ABHD18: variants seen among roughly 807,000 people sequenced by gnomAD.
ABHD18 encodes cardiolipin-specific deacylase, mitochondrial.
A neutral mutation model predicts 65.9 loss-of-function variants in ABHD18; 55 were observed. The observed-to-expected ratio is 0.84, with a 90% confidence interval of 0.67 to 1.05. ABHD18 has a LOEUF of 1.05. Ranked by LOEUF, ABHD18 falls within the 50% of genes least tolerant of loss-of-function variation. ABHD18 has a pLI of 0.00. For synonymous variants in ABHD18, 181 were observed against 180.2 expected, an observed-to-expected ratio of 1.00 and a Z score of -0.04; for missense variants, 533 against 558.5, an observed-to-expected ratio of 0.95 and a Z score of 0.46.
In ABHD18 at chr4:128,017,412, C is replaced by G; in HGVS notation, c.520C>G (p.Leu174Val). 1 of 1,613,734 alleles carries G rather than the reference C, an allele frequency of 6.2e-7. No individual in the cohort carries two copies. Among genetic ancestry groups the G allele is most frequent in the South Asian group, 1.1e-5 (1 of 91,030 alleles). Residue 174 changes from leucine (L) to valine (V), a missense_variant, in exon 8 of 13, where the codon CTT (leucine) becomes GTT (valine). By Grantham distance (32) the Leu-to-Val change is conservative. Coordinates refer to ENST00000645843, the MANE Select transcript of ABHD18 (RefSeq NM_001358451.3). ...VSDLFVMGGA[L>V]VLESAALLHW... ...CGACCTTTTTGTGATGGGAGGAGCT[C>G]TTGTTTTAGAATCTGCAGCTCTCTT...
At chr4:127,985,603 A>AC (rs1247561466) in intron 3 of ABHD18, among the ~76,000 whole-genome samples, 1 of 152,130 alleles carries the variant, frequency 6.6e-6, no homozygotes, top group Non-Finnish European at 1.5e-5. Context: ...TTTAAAACAT[A>AC]CCAAGTTAAA....
At chr4:128,011,497 A>ATTT (rs1382418906) in intron 6 of ABHD18, among the ~76,000 whole-genome samples, 176 bp from the exon 7 acceptor site, 26 of 149,134 alleles carry the variant, frequency 1.7e-4, no homozygotes, top group Non-Finnish European at 3.4e-4. Context: ...TTTTTTTTTA[A>ATTT]AAAAAAGGAA....
At chr4:128,018,357 C>T (rs896365149) in intron 8 of ABHD18, among the ~76,000 whole-genome samples, 1 of 152,150 alleles carries the variant, frequency 6.6e-6, no homozygotes, top group Admixed American at 6.6e-5. Flanking sequence ...GTGATCCACA[C>T]AGTTTGGCCT....
At chr4:128,011,587 G>A in intron 6 of ABHD18, 86 bp from the exon 7 acceptor site, 1 of 937,726 alleles carries the variant, frequency 1.1e-6, no homozygotes. Flanking sequence ...GTATTAAATT[G>A]TGTAAAATTT....
rs778745875 is a variant in ABHD18 at position 128,028,836 on chromosome 4, A to C, written c.1163A>C (p.His388Pro). Residue 388 changes from histidine to proline, a missense_variant, in exon 11 of 13, where the codon CAT (histidine) becomes CCT (proline). Transcript: ENST00000645843. ...FMKGVMDECT[H>P]VANFSVPVDP... is the part of the protein sequence containing the mutation. ...AAAGGAGTCATGGATGAATGTACTC[A>C]TGTAGCAAATTTCTCAGGTACTAAT... The C allele has an allele frequency of 6.4e-7, 1 of 1,553,518 alleles. No homozygotes were observed. The highest frequency in any genetic ancestry group is 1.2e-5 in the South Asian group (1 of 81,460).
chr4:127,997,577 C>G (rs893953562), intron 4 of ABHD18, among the ~76,000 whole-genome samples: 1 of 152,140 alleles, frequency 6.6e-6, no homozygotes, highest in African/African-American at 2.4e-5. Context: ...ACTCAAAAAG[C>G]TATGTATTTG....
intron 7 of ABHD18, among the ~76,000 whole-genome samples, chr4:128,012,416 G>A (rs909348572): frequency 6.6e-6 from 1 of 152,130 alleles, no homozygotes; most frequent in Non-Finnish European, 1.5e-5. Context: ...TCCATAATCT[G>A]TATTGTGTTT....
Position 127,986,226 on chromosome 4 carries a change from T to C in ABHD18, c.177+1803T>C, listed in dbSNP as rs762809043. On this transcript the variant is annotated intron_variant, in intron 3 of 12. Coordinates refer to ENST00000645843, the MANE Select transcript of ABHD18 (RefSeq NM_001358451.3). The stretch of plus-strand genomic sequence containing the variant: ...ATCACTAGTCTACTCTCTGTCTCTA[T>C]GGATTCACCTAATGTGGACATTTCT... Among the ~76,000 whole-genome samples, 55 of 152,370 alleles carry C rather than the reference T, an allele frequency of 3.6e-4. 1 individual carries two copies. The highest frequency in any genetic ancestry group is 7.3e-4 in the Non-Finnish European group (50 of 68,042).
chr4:128,028,876 G>A, intron 11 of ABHD18, 23 bp downstream of exon 11: 1 of 1,491,394 alleles, frequency 6.7e-7, no homozygotes, highest in Non-Finnish European at 9.0e-7. Context: ...ATATGAAATT[G>A]AGAATATTTG....
At chr4:127,979,542 G>T (rs529140703) in intron 1 of ABHD18, among the ~76,000 whole-genome samples, 1 of 152,068 alleles carries the variant, frequency 6.6e-6, no homozygotes, top group African/African-American at 2.4e-5. Flanking sequence ...GCGACAATGC[G>T]AGACTCTGTC....
At chr4:128,026,146 G>A (rs569439179) in intron 10 of ABHD18, among the ~76,000 whole-genome samples, 5 of 152,040 alleles carry the variant, frequency 3.3e-5, no homozygotes, top group Admixed American at 6.6e-5. Flanking sequence ...AAAATTAGCC[G>A]GGCATGGTGG....
chr4:127,995,633 G>T (rs1473769396), intron 4 of ABHD18, among the ~76,000 whole-genome samples: 1 of 152,004 alleles, frequency 6.6e-6, no homozygotes, highest in African/African-American at 2.4e-5. Context: ...TATTTTGATG[G>T]TTTTAACAGC....
rs547555344 is a variant in ABHD18 at position 127,998,889 on chromosome 4, C to T, written c.278+9068C>T. On this transcript the variant is annotated intron_variant, in intron 4 of 12. Transcript: ENST00000645843. ...CTATGGTACTTTACGTACTTAGGAA[C>T]TTTAAACATCTTTTGAATGATTATT... Among the ~76,000 whole-genome samples the T allele has an allele frequency of 1.4e-4, 22 of 152,140 alleles. 1 individual carries two copies. The South Asian group carries it at 3.1e-3, about 22-fold the overall frequency.
intron 4 of ABHD18, among the ~76,000 whole-genome samples, chr4:128,003,510 TA>T (rs1014251053): frequency 2.6e-5 from 4 of 151,662 alleles, no homozygotes; most frequent in African/African-American, 7.2e-5. Flanking sequence ...CCAATTAATC[TA>T]AAAAAAAGAT....
chr4:127,978,431 T>G (rs750756997), intron 1 of ABHD18, among the ~76,000 whole-genome samples: 3 of 152,180 alleles, frequency 2.0e-5, no homozygotes, highest in Non-Finnish European at 2.9e-5. Flanking sequence ...TGAGGAGTTC[T>G]GCTGGATGTG....
intron 10 of ABHD18, among the ~76,000 whole-genome samples, chr4:128,023,675 T>C (rs1038712186): frequency 6.6e-6 from 1 of 151,144 alleles, no homozygotes; most frequent in Non-Finnish European, 1.5e-5. Context: ...GGTCAGGAGA[T>C]CGAGACCATA....
intron 1 of ABHD18, among the ~76,000 whole-genome samples, chr4:127,971,482 C>CT (rs1156788634): frequency 0.023 from 1,171 of 51,932 alleles, 324 homozygotes; most frequent in Non-Finnish European, 0.025. Context: ...CCAGAGTTGG[C>CT]TTTTTTTTTT....
intron 1 of ABHD18, among the ~76,000 whole-genome samples, chr4:127,978,132 A>AG (rs2149057186): frequency 6.6e-6 from 1 of 152,268 alleles, no homozygotes; most frequent in Non-Finnish European, 1.5e-5. Context: ...TGTAGTTTAT[A>AG]AGAGCTATTT....
chr4:127,988,788 G>T (rs529950315), intron 3 of ABHD18, among the ~76,000 whole-genome samples: 1 of 152,264 alleles, frequency 6.6e-6, no homozygotes, highest in Admixed American at 6.5e-5. Context: ...AGCTGGTGAG[G>T]ATCTGGAGAA....
Sources: gnomAD v4.1 joint callset for allele counts (sites outside exome capture counted in the v4.1 genomes callset) on GRCh38, gnomAD v4.1.1 for gene constraint, MANE v1.5 for transcripts, NCBI Gene and HGNC (gene_info 2026-07-23, HGNC 2026-07-21) for gene names.